ITGA6: variants seen among roughly 807,000 people sequenced by gnomAD.
ITGA6 encodes the protein integrin alpha-6.
Under a neutral mutation model 133.6 loss-of-function variants are expected in ITGA6, and 63 were observed. The ratio of observed to expected loss-of-function variants is 0.47; its 90% CI spans 0.38 to 0.58. The LOEUF is 0.58. ITGA6 is among the 20% of genes least tolerant of loss of function. The probability of loss-of-function intolerance (pLI) is 0.00; values close to 1 mark genes in which losing one functional copy is unlikely to be tolerated. For synonymous variants in ITGA6, 434 were observed against 482.0 expected, an observed-to-expected ratio of 0.90 and a Z score of 1.30; for missense variants, 1,068 against 1,309.4, an observed-to-expected ratio of 0.82 and a Z score of 2.85.
intron 1 of ITGA6, among the ~76,000 whole-genome samples, chr2:172,442,845 C>T (rs9287954): frequency 0.2 from 30,548 of 151,970 alleles, 4,558 homozygotes; most frequent in East Asian, 0.82. Flanking sequence ...TATGCAATTA[C>T]AAGGTTTGCT....
intron 1 of ITGA6, 50 bp from the exon 2 acceptor site, chr2:172,465,489 T>TA (rs1193699923): frequency 1.2e-6 from 2 of 1,608,712 alleles, no homozygotes; most frequent in African/African-American, 2.7e-5. Context: ...ATTTAACTGT[T>TA]AAACGTATAT....
At chr2:172,487,931 A>T (rs1339988979) in intron 17 of ITGA6, 30 bp from the exon 18 acceptor site, 1 of 1,597,102 alleles carries the variant, frequency 6.3e-7, no homozygotes, top group Admixed American at 1.7e-5. Flanking sequence ...CTGGTAAAAT[A>T]CAACCCTATT....
intron 9 of ITGA6, 63 bp from the exon 10 acceptor site, chr2:172,479,578 T>G (rs574316823): frequency 7.5e-7 from 1 of 1,337,396 alleles, no homozygotes; most frequent in East Asian, 2.3e-5. Flanking sequence ...CTCTAGTATG[T>G]GAATTAGACT....
At chr2:172,482,150 A>G (rs985220094) in intron 11 of ITGA6, among the ~76,000 whole-genome samples, 11 of 152,238 alleles carry the variant, frequency 7.2e-5, no homozygotes, top group South Asian at 6.2e-4. Flanking sequence ...TCCTAGCTGT[A>G]GCACAGCATT....
intron 4 of ITGA6, among the ~76,000 whole-genome samples, chr2:172,469,754 T>C (rs896778289): frequency 1.3e-5 from 2 of 152,238 alleles, no homozygotes; most frequent in Admixed American, 6.5e-5. Context: ...TATATACAAA[T>C]AACAGTGTAT....
At chr2:172,501,741 A>G (rs1687354301) in intron 24 of ITGA6, 31 bp from the exon 25 acceptor site, 1 of 1,607,888 alleles carries the variant, frequency 6.2e-7, no homozygotes. Flanking sequence ...ACAAAACTGT[A>G]AAATTGACTA....
intron 11 of ITGA6, among the ~76,000 whole-genome samples, chr2:172,483,550 T>G (rs1686539087): frequency 6.6e-6 from 1 of 152,196 alleles, no homozygotes; most frequent in Admixed American, 6.5e-5. Context: ...GTAAGTAATT[T>G]AAGTATTGGC....
intron 1 of ITGA6, among the ~76,000 whole-genome samples, chr2:172,449,334 C>T (rs189958762): frequency 1.9e-3 from 285 of 152,222 alleles, no homozygotes; most frequent in African/African-American, 6.5e-3. Context: ...ATGAGTAGTT[C>T]GTTTGCTACT....
intron 1 of ITGA6, among the ~76,000 whole-genome samples, chr2:172,449,245 ATACT>A (rs1193239956): frequency 1.3e-5 from 2 of 152,208 alleles, no homozygotes; most frequent in South Asian, 2.1e-4. Flanking sequence ...TAGAATGAAG[ATACT>A]TACCCCCCAA....
chr2:172,448,726 C>T (rs1399542272), intron 1 of ITGA6, among the ~76,000 whole-genome samples: 2 of 152,246 alleles, frequency 1.3e-5, no homozygotes, highest in South Asian at 2.1e-4. Flanking sequence ...ATGAAAATTC[C>T]GGGCTGGATT....
chr2:172,489,783 G>A (rs1686844044), intron 20 of ITGA6, 125 bp downstream of exon 20: 1 of 912,298 alleles, frequency 1.1e-6, no homozygotes, highest in African/African-American at 1.7e-5. Flanking sequence ...CTCTTTGGTT[G>A]TCACAATTTC....
At chr2:172,479,934 G>GT (rs1426987630) in intron 10 of ITGA6, 56 bp from the exon 11 acceptor site, 1 of 1,276,536 alleles carries the variant, frequency 7.8e-7, no homozygotes, top group Non-Finnish European at 1.1e-6. Flanking sequence ...AACATGTTGG[G>GT]TTTTTTCCAC....
Position 172,504,365 on chromosome 2 carries a change from TACA to T in ITGA6, c.*298_*300del, listed in dbSNP as rs1404324799. 7.8e-6 allele frequency: 6 copies of T among 766,584 alleles called. No homozygotes were observed. In the East Asian group the frequency reaches 1.6e-4, roughly 21 times the overall value. 47.5% of individuals were successfully genotyped at this position (766,584 alleles called of 1,614,324 possible). A position where few individuals can be genotyped will look rare whatever the true frequency, so the allele number is the denominator to read the frequency against. ...CCCTGAGGACTGATTTCAGAGTGAC[TACA>T]CACAGTACGAACCTACAGTTTTAAC... On this transcript the variant is annotated 3_prime_UTR_variant, in exon 26 of 26. Coordinates refer to ENST00000684293, the MANE Select transcript of ITGA6 (RefSeq NM_000210.4).
intron 5 of ITGA6, among the ~76,000 whole-genome samples, chr2:172,472,154 T>A (rs1458074799): frequency 6.6e-6 from 1 of 152,198 alleles, no homozygotes; most frequent in Non-Finnish European, 1.5e-5. Context: ...AAACCCCTTC[T>A]CTACTAAAAA....
rs1288027725 is a variant in ITGA6 at position 172,491,044 on chromosome 2, G to T, written c.2700G>T (p.Lys900Asn). 3.2e-6 allele frequency: 5 copies of T among 1,580,914 alleles called. No homozygotes were observed. Among genetic ancestry groups the T allele is most frequent in the Non-Finnish European group, 3.5e-6 (4 of 1,150,660 alleles). The stretch of plus-strand genomic sequence containing the variant: ...TTCAGGAGTCTCACAACTCAAGAAA[G>T]AAACGGGAAATTACTGAAAAACAGA... The part of the protein sequence containing the change: ...LNLTESHNSR[K>N]KREITEKQID... The change falls in exon 21 of 26, where the codon AAG becomes AAT. Residue 900 changes from lysine (K) to asparagine (N), a missense_variant. Lys to Asn is a moderately conservative substitution (Grantham distance 94, BLOSUM62 0). Coordinates refer to ENST00000684293, the MANE Select transcript of ITGA6 (RefSeq NM_000210.4). The surrounding 1 kb of genome is among the most constrained non-coding windows in gnomAD (Gnocchi z 4.4).
intron 20 of ITGA6, 43 bp from the exon 21 acceptor site, chr2:172,490,977 CAAAG>C (rs1262818093): frequency 6.2e-6 from 6 of 971,614 alleles, no homozygotes; most frequent in Non-Finnish European, 1.0e-5. Context: ...ATGGTAATGA[CAAAG>C]AATTACATAA....
intron 13 of ITGA6, among the ~76,000 whole-genome samples, chr2:172,485,934 C>T (rs921480939): frequency 2.0e-5 from 3 of 152,028 alleles, no homozygotes; most frequent in Middle Eastern, 3.2e-3. Context: ...CCCAGAACTT[C>T]GGGAGGCCGA....
chr2:172,475,603 C>A lies in ITGA6; in HGVS notation c.1187C>A (p.Ala396Glu). 6.4e-7 allele frequency: 1 copy of A among 1,571,774 alleles called. No homozygotes were observed. Among genetic ancestry groups the A allele is most frequent in the African/African-American group, 1.3e-5 (1 of 74,276 alleles). Residue 396 changes from alanine (A) to glutamate (E), a missense_variant, in exon 8 of 26, where the codon GCA (alanine) becomes GAA (glutamate). Ala to Glu is a moderately radical substitution (Grantham distance 107, BLOSUM62 -1). Around this residue, in one of 3 missense-constraint regions of ITGA6, gnomAD observed 317 missense variants for 456.9 expected, o/e 0.69. Coordinates refer to ENST00000684293, the MANE Select transcript of ITGA6 (RefSeq NM_000210.4). ...AATGTGATGTTGTCAACAGATATTG[C>A]AGTTGGAGCTCCGTATGATGACTTG... ...DINQDGYPDI[A>E]VGAPYDDLGK...
rs142089993 is a variant in ITGA6, at chr2:172,444,697, A to G, written c.182+16727A>G. On this transcript the variant is annotated intron_variant, in intron 1 of 25. Coordinates refer to ENST00000684293, the MANE Select transcript of ITGA6 (RefSeq NM_000210.4). ...AATAGCTTTGCCCCAAACCCCCCTG[A>G]GTTTCTTTCTCTACTTCCCTGGCCA... 1.3e-4 allele frequency among the ~76,000 whole-genome samples: 17 copies of G among 133,544 alleles called. No homozygotes were observed. In the East Asian group the frequency reaches 3.9e-3, roughly 31 times the overall value. 87.6% of individuals were successfully genotyped at this position (133,544 alleles called of 152,430 possible).
Sources: gnomAD v4.1 joint callset for allele counts (sites outside exome capture counted in the v4.1 genomes callset) on GRCh38, gnomAD v4.1.1 for gene constraint, gnomAD v4.1.1 regional missense constraint, Gnocchi (gnomAD v3.1) non-coding constraint, MANE v1.5 for transcripts, NCBI Gene and HGNC (gene_info 2026-07-23, HGNC 2026-07-21) for gene names.